Variants in SUN1 observed in about 807,000 individuals in gnomAD.
SUN1 encodes the protein SUN domain-containing protein 1.
SUN1 carries 61 observed loss-of-function variants against 103.2 expected under a neutral mutation model. That is an observed-to-expected ratio of 0.59 (90% CI 0.48 to 0.73). SUN1 has a LOEUF of 0.73. Among genes scored for constraint, SUN1 ranks in the 30% least tolerant of loss-of-function variants. SUN1 has a pLI of 0.00. For missense variants in SUN1, 1,052 were observed against 1,034.6 expected (o/e 1.02, Z -0.23); for synonymous variants, 490 against 425.7 (o/e 1.15, Z -1.86).
Position 842,892 on chromosome 7 carries a change from G to A in SUN1, c.452-314G>A, listed in dbSNP as rs557366789. Reference sequence around the variant, plus strand: ...GAGGCATCTGCTGCTGCTGAGGCTTGTGCCTTGCTGAGCGGGCTGTGAGAA... The same window carrying A: ...GAGGCATCTGCTGCTGCTGAGGCTTATGCCTTGCTGAGCGGGCTGTGAGAA... On this transcript the variant is annotated intron_variant, in intron 3 of 18. Coordinates refer to ENST00000401592, the MANE Select transcript of SUN1 (RefSeq NM_001130965.3). 1,009 of 514,900 alleles carry A rather than the reference G, an allele frequency of 2.0e-3. 25 individuals are homozygous for A. Among genetic ancestry groups the A allele is most frequent in the Admixed American group, 1.7e-3 (45 of 26,810 alleles). 31.9% of individuals were successfully genotyped at this position (514,900 alleles called of 1,614,324 possible).
At chr7:821,472 T>C (rs1358900479) in intron 1 of SUN1, among the ~76,000 whole-genome samples, 1 of 152,156 alleles carries the variant, frequency 6.6e-6, no homozygotes, top group Non-Finnish European at 1.5e-5. Flanking sequence ...GTGACCTGTT[T>C]TCAAAGAACG....
intron 3 of SUN1, 187 bp from the exon 4 acceptor site, chr7:843,019 T>C: frequency 7.4e-6 from 6 of 811,952 alleles, no homozygotes; most frequent in Non-Finnish European, 1.2e-5. Flanking sequence ...AGGATAAGCT[T>C]TCACCTTCAG....
intron 1 of SUN1, among the ~76,000 whole-genome samples, chr7:836,627 T>C (rs1316343486): frequency 6.6e-6 from 1 of 152,232 alleles, no homozygotes. Context: ...AGGAGCTCCT[T>C]CTTACTGAAG....
intron 15 of SUN1, among the ~76,000 whole-genome samples, chr7:863,908 C>G (rs1834213560): frequency 6.6e-6 from 1 of 152,150 alleles, no homozygotes; most frequent in Admixed American, 6.5e-5. Flanking sequence ...ACTCTTAACA[C>G]TCAATTTGAG....
chr7:860,472 T>TGGC, intron 14 of SUN1, 90 bp downstream of exon 14: 1 of 1,555,730 alleles, frequency 6.4e-7, no homozygotes, highest in East Asian at 2.3e-5. Flanking sequence ...TGTTGATGTC[T>TGGC]TGTTTTAAGA....
At chr7:849,967 G>A (rs562491241) in intron 5 of SUN1, 24 of 1,602,080 alleles carry the variant, frequency 1.5e-5, no homozygotes, top group East Asian at 9.0e-5. Flanking sequence ...GCACACAGCC[G>A]CCCACTCGCA....
At chr7:820,490 T>C (rs1284675019) in intron 1 of SUN1, among the ~76,000 whole-genome samples, 1 of 152,220 alleles carries the variant, frequency 6.6e-6, no homozygotes, top group Non-Finnish European at 1.5e-5. Flanking sequence ...TCATTAGGAT[T>C]TTCTAGATAT....
At chr7:847,402 C>T (rs1233910641) in intron 5 of SUN1, among the ~76,000 whole-genome samples, 3 of 148,750 alleles carry the variant, frequency 2.0e-5, no homozygotes, top group African/African-American at 7.4e-5. Context: ...CTCCGGGATC[C>T]CCTGGGGGTT....
intron 13 of SUN1, 48 bp downstream of exon 13, chr7:858,005 G>T: frequency 6.7e-7 from 1 of 1,503,272 alleles, no homozygotes; most frequent in East Asian, 2.4e-5. Flanking sequence ...GAAAGTAAAA[G>T]AAAACTTGAA....
At chr7:842,927 G>T in intron 3 of SUN1, 1 of 570,734 alleles carries the variant, frequency 1.8e-6, no homozygotes, top group East Asian at 3.1e-5. Flanking sequence ...AGATAGATGG[G>T]CTTTCCTCTC....
chr7:844,634 G>T (rs529283653), intron 5 of SUN1, among the ~76,000 whole-genome samples: 1 of 152,330 alleles, frequency 6.6e-6, no homozygotes, highest in South Asian at 2.1e-4. Context: ...GGGAAAGGTG[G>T]CGGGAGCGGG....
chr7:866,187 A>G, intron 16 of SUN1, 120 bp downstream of exon 16: 3 of 837,514 alleles, frequency 3.6e-6, no homozygotes, highest in Non-Finnish European at 5.8e-6. Flanking sequence ...TGGAACTGGT[A>G]CCACAAGAAG....
At chr7:860,105 G>T in intron 13 of SUN1, 23 bp from the exon 14 acceptor site, 1 of 1,610,902 alleles carries the variant, frequency 6.2e-7, no homozygotes, top group South Asian at 1.1e-5. Context: ...TAGGACATTT[G>T]TGTCCGTCTG....
intron 5 of SUN1, chr7:849,712 C>T (rs1269095402): frequency 1.6e-6 from 2 of 1,280,364 alleles, no homozygotes; most frequent in Admixed American, 1.7e-5. Context: ...ACATGGTGGT[C>T]CTCACTGATG....
At chr7:859,733 T>G (rs566131408) in intron 13 of SUN1, among the ~76,000 whole-genome samples, 1 of 152,374 alleles carries the variant, frequency 6.6e-6, no homozygotes, top group South Asian at 2.1e-4. Flanking sequence ...AGCTATAATT[T>G]AGGTTCATTT....
At chr7:867,874 G>T (rs1838296189) in intron 16 of SUN1, among the ~76,000 whole-genome samples, 1 of 152,222 alleles carries the variant, frequency 6.6e-6, no homozygotes, top group Non-Finnish European at 1.5e-5. Context: ...GAATGTACCA[G>T]CATGCTGGGA....
At chr7:845,595 C>T (rs1182397206) in intron 5 of SUN1, among the ~76,000 whole-genome samples, 1 of 151,590 alleles carries the variant, frequency 6.6e-6, no homozygotes, top group Non-Finnish European at 1.5e-5. Flanking sequence ...AGTCAGATTG[C>T]ATGAATTGTT....
intron 5 of SUN1, among the ~76,000 whole-genome samples, chr7:844,219 C>G (rs1339124445): frequency 6.6e-6 from 1 of 152,192 alleles, no homozygotes; most frequent in Non-Finnish European, 1.5e-5. Flanking sequence ...GATTCTGTGC[C>G]CTTCATGACT....
intron 5 of SUN1, chr7:849,585 G>A (rs1387336086): frequency 3.5e-6 from 5 of 1,441,638 alleles, no homozygotes; most frequent in Non-Finnish European, 4.7e-6. Flanking sequence ...CCACCTCAGT[G>A]TAAATGGGGA....
Sources: allele counts gnomAD v4.1 joint callset (sites outside exome capture counted in the v4.1 genomes callset), GRCh38; gene constraint gnomAD v4.1.1; transcripts MANE v1.5; gene names NCBI Gene and HGNC (gene_info 2026-07-23, HGNC 2026-07-21).